Variants in NRXN1 observed in about 807,000 individuals in gnomAD.
NRXN1 encodes neurexin 1.
In NRXN1, 39 loss-of-function variants were observed where a neutral mutation model predicts 150.9. The observed-to-expected ratio is 0.26, with a 90% CI of 0.20 to 0.34. The LOEUF is 0.34. Ranked by LOEUF, NRXN1 falls within the 10% of genes least tolerant of loss-of-function variation. The probability of loss-of-function intolerance (pLI) is 1.00; values close to 1 mark genes in which losing one functional copy is unlikely to be tolerated. For missense variants in NRXN1, 1,815 were observed against 1,949.9 expected, an observed-to-expected ratio of 0.93 and a Z score of 1.30; for synonymous variants, 924 against 757.0, an observed-to-expected ratio of 1.22 and a Z score of -3.62.
At chr2:50,090,477 G>A (rs1699405721) in intron 19 of NRXN1, among the ~76,000 whole-genome samples, 1 of 152,028 alleles carries the variant, frequency 6.6e-6, no homozygotes, top group South Asian at 2.1e-4. Flanking sequence ...TGAGACTGAT[G>A]CTTTTAGTAA....
At chr2:50,228,715 T>A (rs1339377419) in intron 18 of NRXN1, among the ~76,000 whole-genome samples, 1 of 152,008 alleles carries the variant, frequency 6.6e-6, no homozygotes, top group Non-Finnish European at 1.5e-5. Context: ...CACCAAACTT[T>A]TTTGTCTGTC....
chr2:50,667,103 G>T (rs1688167206), intron 5 of NRXN1, among the ~76,000 whole-genome samples: 1 of 151,824 alleles, frequency 6.6e-6, no homozygotes, highest in Admixed American at 6.6e-5. Flanking sequence ...ACTCATTTAT[G>T]AACTTGTGCT....
rs1264860892 is a variant in NRXN1, at chr2:49,918,745, T to TCAA, written c.*3196_*3198dup. The TCAA allele has an allele frequency of 3.3e-5, 5 of 151,726 alleles. No individual in the cohort carries two copies. The highest frequency in any genetic ancestry group is 1.2e-4 in the African/African-American group (5 of 41,286). The allele number at this position is 151,726 out of a possible 1,614,324, so 9.4% of individuals were successfully genotyped here. A position where few individuals can be genotyped will look rare whatever the true frequency, so the allele number is the denominator to read the frequency against. Reference sequence around the variant, plus strand: ...CTAGTTAAATCCAGAAAAAAGAGAGTCAACATTCTTCCTCTATAATATAAG... The same window carrying TCAA: ...CTAGTTAAATCCAGAAAAAAGAGAGTCAACAACATTCTTCCTCTATAATATAAG... On this transcript the variant is annotated 3_prime_UTR_variant, in exon 23 of 23. Transcript: ENST00000401669.
chr2:50,984,437 C>A (rs555556294), intron 2 of NRXN1, among the ~76,000 whole-genome samples: 15 of 151,756 alleles, frequency 9.9e-5, no homozygotes, highest in Non-Finnish European at 1.3e-4. Context: ...GGTCCATTAC[C>A]GAAAAAGTTT....
chr2:50,702,746 G>A (rs1257251393), intron 5 of NRXN1, among the ~76,000 whole-genome samples: 2 of 151,958 alleles, frequency 1.3e-5, no homozygotes, highest in Admixed American at 6.6e-5. Flanking sequence ...ACACTGTATC[G>A]AATATGTTTT....
At chr2:50,704,360 G>C (rs1694154880) in intron 5 of NRXN1, among the ~76,000 whole-genome samples, 1 of 151,738 alleles carries the variant, frequency 6.6e-6, no homozygotes, top group Admixed American at 6.6e-5. Context: ...TTAAATCAAA[G>C]GGAGTAGGAA....
chr2:50,728,269 C>T (rs1271264707), intron 5 of NRXN1, among the ~76,000 whole-genome samples: 1 of 152,054 alleles, frequency 6.6e-6, no homozygotes, highest in Non-Finnish European at 1.5e-5. Context: ...AAACTGAGTC[C>T]CAGTCTTCTC....
In NRXN1 at chr2:50,342,905, T is replaced by C. The variant is rs574336621; in HGVS notation, c.3365-105935A>G. Reference sequence around the variant, plus strand: ...CATTTATGGTATGCCTCAGTATCCCTACAGGAAAATCACATTCAAACTCAC... The same window carrying C: ...CATTTATGGTATGCCTCAGTATCCCCACAGGAAAATCACATTCAAACTCAC... On this transcript the variant is annotated intron_variant, in intron 17 of 22. Transcript: ENST00000401669. 3.5e-3 allele frequency among the ~76,000 whole-genome samples: 528 copies of C among 152,348 alleles called. 6 individuals carry two copies. In the South Asian group the frequency reaches 0.044, roughly 13 times the overall value.
chr2:50,295,187 T>C (rs992767406), intron 17 of NRXN1, among the ~76,000 whole-genome samples: 31 of 152,336 alleles, frequency 2.0e-4, no homozygotes, highest in African/African-American at 6.7e-4. Context: ...GTGGTATCAA[T>C]TAATGTTAAG....
intron 5 of NRXN1, among the ~76,000 whole-genome samples, chr2:50,731,641 C>A (rs559738450): frequency 2.9e-4 from 44 of 152,176 alleles, no homozygotes; most frequent in Non-Finnish European, 5.9e-5. Flanking sequence ...AAACTGCACA[C>A]CCTAGAACTC....
chr2:50,136,675 C>G, intron 18 of NRXN1, among the ~76,000 whole-genome samples: 1 of 152,212 alleles, frequency 6.6e-6, no homozygotes, highest in East Asian at 1.9e-4. Flanking sequence ...GGTCTCTGTC[C>G]TAATCAGGCA....
chr2:50,334,100 C>T (rs1260383260), intron 17 of NRXN1, among the ~76,000 whole-genome samples: 1 of 151,000 alleles, frequency 6.6e-6, no homozygotes, highest in Non-Finnish European at 1.5e-5. Flanking sequence ...CTGGCAACTC[C>T]CAGCCAATGT....
chr2:50,498,407 A>G (rs758885460), intron 13 of NRXN1, among the ~76,000 whole-genome samples: 64 of 152,316 alleles, frequency 4.2e-4, no homozygotes, highest in Non-Finnish European at 7.6e-4. Flanking sequence ...GTTTTCTATA[A>G]CTAAATCAAG....
At chr2:50,063,783 A>G (rs1694933217) in intron 19 of NRXN1, among the ~76,000 whole-genome samples, 1 of 152,102 alleles carries the variant, frequency 6.6e-6, no homozygotes, top group Non-Finnish European at 1.5e-5. Context: ...TAGATTCTAG[A>G]TTCCTTGTGA....
chr2:50,808,935 A>C (rs1667859118), intron 5 of NRXN1, among the ~76,000 whole-genome samples: 1 of 152,218 alleles, frequency 6.6e-6, no homozygotes, highest in South Asian at 2.1e-4. Context: ...TGACTCATAA[A>C]ATTTCCTTAT....
chr2:49,953,048 C>T (rs557420981), intron 21 of NRXN1, among the ~76,000 whole-genome samples: 1 of 152,120 alleles, frequency 6.6e-6, no homozygotes, highest in African/African-American at 2.4e-5. Context: ...TTTGGACAAG[C>T]AGCCAGTTAT....
intron 5 of NRXN1, among the ~76,000 whole-genome samples, chr2:50,751,957 A>G (rs1318341475): frequency 6.6e-6 from 1 of 151,908 alleles, no homozygotes; most frequent in African/African-American, 2.4e-5. Flanking sequence ...AGTAAGAATC[A>G]GGAAAGAGTT....
intron 8 of NRXN1, among the ~76,000 whole-genome samples, chr2:50,598,865 C>A (rs1295931501): frequency 6.6e-6 from 1 of 151,732 alleles, no homozygotes; most frequent in Non-Finnish European, 1.5e-5. Flanking sequence ...TCAAGTGATT[C>A]TCCTGCCTCA....
intron 17 of NRXN1, among the ~76,000 whole-genome samples, chr2:50,422,334 G>A (rs941989563): frequency 6.6e-6 from 1 of 151,960 alleles, no homozygotes; most frequent in African/African-American, 2.4e-5. Flanking sequence ...TAAAAACAAA[G>A]AAAAACATTT....
Sources: allele counts gnomAD v4.1 joint callset (sites outside exome capture counted in the v4.1 genomes callset), GRCh38; gene constraint gnomAD v4.1.1; transcripts MANE v1.5; gene names NCBI Gene and HGNC (gene_info 2026-07-23, HGNC 2026-07-21).